TRHDE: variants seen among roughly 807,000 people sequenced by gnomAD.
TRHDE encodes thyrotropin-releasing hormone-degrading ectoenzyme.
TRHDE carries 72 observed loss-of-function variants against 125.7 expected under a neutral mutation model. That is an observed-to-expected ratio of 0.57 (90% CI 0.47 to 0.70). The LOEUF (loss-of-function observed/expected upper bound fraction) is 0.70, where lower values mean the gene tolerates loss of function less well. Ranked by LOEUF, TRHDE falls within the 30% of genes least tolerant of loss-of-function variation. The probability of loss-of-function intolerance (pLI) is 0.00; values close to 1 mark genes in which losing one functional copy is unlikely to be tolerated. For missense variants in TRHDE, 1,110 were observed against 1,327.1 expected, an observed-to-expected ratio of 0.84 and a Z score of 2.54; for synonymous variants, 509 against 509.1, an observed-to-expected ratio of 1.00 and a Z score of 0.00.
intron 3 of TRHDE, among the ~76,000 whole-genome samples, chr12:72,468,383 T>C (rs545402882): frequency 6.6e-6 from 1 of 152,364 alleles, no homozygotes; most frequent in Non-Finnish European, 1.5e-5. Context: ...ATTTCTCAGT[T>C]TCTTTGTCCT....
At chr12:72,478,466 G>A (rs139309551) in intron 5 of TRHDE, among the ~76,000 whole-genome samples, 8 of 152,172 alleles carry the variant, frequency 5.3e-5, no homozygotes, top group South Asian at 4.1e-4. Context: ...AAATATAGCC[G>A]ATTTGCTCAG....
intron 3 of TRHDE, among the ~76,000 whole-genome samples, chr12:72,404,601 G>T (rs1371048988): frequency 1.3e-5 from 2 of 152,130 alleles, no homozygotes; most frequent in African/African-American, 4.8e-5. Context: ...CATGGTGGCT[G>T]GCAAAAAGAG....
chr12:72,550,325 T>G (rs2135996707), intron 7 of TRHDE, among the ~76,000 whole-genome samples: 1 of 152,160 alleles, frequency 6.6e-6, no homozygotes, highest in East Asian at 1.9e-4. Context: ...GCCATTTGGT[T>G]AAAGTGCTAG....
At chr12:72,445,720 C>T (rs1178066173) in intron 3 of TRHDE, among the ~76,000 whole-genome samples, 1 of 151,960 alleles carries the variant, frequency 6.6e-6, no homozygotes, top group Non-Finnish European at 1.5e-5. Context: ...AATGGACAAA[C>T]TACAGGCCAA....
chr12:72,352,802 T>C (rs1351848055), intron 2 of TRHDE, among the ~76,000 whole-genome samples: 4 of 151,894 alleles, frequency 2.6e-5, no homozygotes, highest in East Asian at 1.9e-4. Flanking sequence ...CTATGGCCTT[T>C]TAACAATGAT....
chr12:72,489,215 T>C (rs1386584517), intron 5 of TRHDE, among the ~76,000 whole-genome samples: 1 of 146,220 alleles, frequency 6.8e-6, no homozygotes, highest in Non-Finnish European at 1.5e-5. Flanking sequence ...ACTTAGAGAT[T>C]TTTTTTGAAA....
chr12:72,119,289 T>G (rs567092685), intron 2 of TRHDE, among the ~76,000 whole-genome samples: 1 of 152,332 alleles, frequency 6.6e-6, no homozygotes, highest in South Asian at 2.1e-4. Flanking sequence ...ATTTCTTCAT[T>G]TACTCACTGG....
intron 15 of TRHDE, among the ~76,000 whole-genome samples, chr12:72,640,915 A>C (rs1254073770): frequency 6.6e-6 from 1 of 152,246 alleles, no homozygotes; most frequent in East Asian, 1.9e-4. Flanking sequence ...GTGCTCTTAG[A>C]GAGGCTAGTG....
intron 2 of TRHDE, among the ~76,000 whole-genome samples, chr12:72,249,562 T>G (rs1464667170): frequency 6.6e-6 from 1 of 152,160 alleles, no homozygotes; most frequent in African/African-American, 2.4e-5. Context: ...CATACAAAGA[T>G]GTGCAACATT....
chr12:72,307,810 T>C (rs1463282406), intron 2 of TRHDE, among the ~76,000 whole-genome samples: 4 of 152,194 alleles, frequency 2.6e-5, no homozygotes, highest in Admixed American at 2.0e-4. Flanking sequence ...AAGATGGAAA[T>C]CTTTCCATTG....
intron 1 of TRHDE, among the ~76,000 whole-genome samples, chr12:72,276,364 A>G (rs1325292507): frequency 6.6e-6 from 1 of 152,244 alleles, no homozygotes; most frequent in Non-Finnish European, 1.5e-5. Context: ...GTAATCTGAT[A>G]AAGGAAGTCA....
chr12:72,564,918 G>A (rs1870368933), intron 9 of TRHDE, among the ~76,000 whole-genome samples: 1 of 151,732 alleles, frequency 6.6e-6, no homozygotes, highest in African/African-American at 2.4e-5. Flanking sequence ...CACCCGCCTC[G>A]GCCTCCCAAA....
chr12:72,367,530 C>G (rs1305878623), intron 2 of TRHDE, among the ~76,000 whole-genome samples: 1 of 151,886 alleles, frequency 6.6e-6, no homozygotes, highest in African/African-American at 2.4e-5. Flanking sequence ...ATTTATTTCC[C>G]TTTTGCTTAG....
chr12:72,314,970 A>T (rs567095834), intron 2 of TRHDE, among the ~76,000 whole-genome samples: 95 of 152,364 alleles, frequency 6.2e-4, no homozygotes, highest in African/African-American at 1.5e-3. Context: ...AATATAATTC[A>T]TGTTTTAATT....
chr12:72,096,079 C>T (rs1255346513), intron 1 of TRHDE, among the ~76,000 whole-genome samples: 1 of 151,100 alleles, frequency 6.6e-6, no homozygotes, highest in Non-Finnish European at 1.5e-5. Context: ...TTGGACTTGT[C>T]AGCCTCCATA....
rs1236374925 is a variant in TRHDE, at chr12:72,664,488, G to A, written c.*1293G>A. The A allele has an allele frequency of 2.6e-5, 4 of 152,478 alleles. No homozygotes were observed. The East Asian group carries it at 7.7e-4, about 29-fold the overall frequency. The allele number at this position is 152,478 out of a possible 1,614,324, so 9.4% of individuals were successfully genotyped here. A position where few individuals can be genotyped will look rare whatever the true frequency, so the allele number is the denominator to read the frequency against. On this transcript the variant is annotated 3_prime_UTR_variant, in exon 19 of 19. Coordinates refer to ENST00000261180, the MANE Select transcript of TRHDE (RefSeq NM_013381.3). The stretch of plus-strand genomic sequence containing the variant: ...AGCTTTTCTTTTGGCACTGACAACT[G>A]TGTTCTACCTGGGAATTTTGAATAG...
chr12:72,131,214 G>GGCGCCCGCCACC (rs1875855686), intron 2 of TRHDE, among the ~76,000 whole-genome samples: 1 of 151,614 alleles, frequency 6.6e-6, no homozygotes, highest in Non-Finnish European at 1.5e-5. Context: ...TGGGACTACA[G>GGCGCCCGCCACC]GCGCCCGCCA....
chr12:72,130,725 G>C (rs141470935), intron 2 of TRHDE, among the ~76,000 whole-genome samples: 4 of 152,126 alleles, frequency 2.6e-5, no homozygotes, highest in Admixed American at 2.6e-4. Flanking sequence ...AAATGCGATA[G>C]AAAAATGAGC....
At chr12:72,527,583 A>G (rs1228928433) in intron 6 of TRHDE, among the ~76,000 whole-genome samples, 1 of 150,456 alleles carries the variant, frequency 6.6e-6, no homozygotes, top group Non-Finnish European at 1.5e-5. Context: ...TAGTAAGAGG[A>G]GTTAAAAAAA....
Sources: allele counts gnomAD v4.1 joint callset (sites outside exome capture counted in the v4.1 genomes callset), GRCh38; gene constraint gnomAD v4.1.1; transcripts MANE v1.5; gene names NCBI Gene and HGNC (gene_info 2026-07-23, HGNC 2026-07-21).